The following TTC7A variants were observed in gnomAD, a reference collection of about 807,000 sequenced individuals.
The protein encoded by TTC7A is tetratricopeptide repeat domain 7A.
Under a neutral mutation model 103.7 loss-of-function variants are expected in TTC7A, and 110 were observed. That is an observed-to-expected ratio of 1.06 (90% CI 0.91 to 1.24). The LOEUF is 1.24. Ranked by LOEUF, TTC7A falls within the 50% of genes most tolerant of loss-of-function variation. The probability of loss-of-function intolerance (pLI) is 0.00; values close to 1 mark genes in which losing one functional copy is unlikely to be tolerated. For missense variants in TTC7A, 1,340 were observed against 1,116.3 expected (o/e 1.20, Z -2.86); for synonymous variants, 521 against 467.9 (o/e 1.11, Z -1.47).
At chr2:47,058,214 C>CCT (rs2104766206) in intron 18 of TTC7A, among the ~76,000 whole-genome samples, 1 of 152,288 alleles carries the variant, frequency 6.6e-6, no homozygotes, top group Non-Finnish European at 1.5e-5. Flanking sequence ...GGACTAGAGC[C>CCT]CGCATTTCTC....
At chr2:46,989,407 C>T (rs531038618) in intron 5 of TTC7A, among the ~76,000 whole-genome samples, 65 of 152,344 alleles carry the variant, frequency 4.3e-4, no homozygotes, top group African/African-American at 1.4e-3. Flanking sequence ...AGCAATGGCT[C>T]GGAAAAGCCC....
At chr2:47,065,026 G>A (rs1289986785) in intron 19 of TTC7A, among the ~76,000 whole-genome samples, 2 of 152,208 alleles carry the variant, frequency 1.3e-5, no homozygotes, top group Admixed American at 6.5e-5. Context: ...AGTGGCTCAC[G>A]CCTGTAATCC....
intron 2 of TTC7A, among the ~76,000 whole-genome samples, chr2:46,927,827 A>G (rs1045293512): frequency 6.6e-6 from 1 of 151,852 alleles, no homozygotes; most frequent in African/African-American, 2.4e-5. Context: ...ACATTTTTAG[A>G]AAAAAACTGA....
intron 2 of TTC7A, among the ~76,000 whole-genome samples, chr2:46,955,760 C>A (rs1156703273): frequency 1.3e-5 from 2 of 152,154 alleles, no homozygotes; most frequent in Non-Finnish European, 2.9e-5. Context: ...CACAGGGACC[C>A]CAGACTCTTA....
At chr2:46,919,035 A>C (rs1478366104) in intron 2 of TTC7A, among the ~76,000 whole-genome samples, 1 of 152,190 alleles carries the variant, frequency 6.6e-6, no homozygotes, top group Non-Finnish European at 1.5e-5. Context: ...AGATACCAGA[A>C]TGGCCTCTAG....
At chr2:46,987,594 C>T (rs1371343680) in intron 5 of TTC7A, among the ~76,000 whole-genome samples, 5 of 152,202 alleles carry the variant, frequency 3.3e-5, no homozygotes, top group African/African-American at 1.2e-4. Flanking sequence ...CTATTCTTTG[C>T]TCTGGGTCCA....
At chr2:46,934,592 A>G (rs917925393) in intron 2 of TTC7A, among the ~76,000 whole-genome samples, 4 of 151,966 alleles carry the variant, frequency 2.6e-5, no homozygotes, top group African/African-American at 9.7e-5. Context: ...TTCAATAGAT[A>G]GACTCAAACT....
At chr2:46,991,863 C>T (rs916935326) in intron 5 of TTC7A, among the ~76,000 whole-genome samples, 2 of 152,106 alleles carry the variant, frequency 1.3e-5, no homozygotes, top group East Asian at 1.9e-4. Flanking sequence ...CGAAGGTCAT[C>T]GTAACTCTGA....
At chr2:46,921,834 G>A (rs1044839937) in intron 2 of TTC7A, among the ~76,000 whole-genome samples, 1 of 152,114 alleles carries the variant, frequency 6.6e-6, no homozygotes, top group African/African-American at 2.4e-5. Context: ...AGTAGGGTTC[G>A]CGTTCCTGTG....
chr2:47,072,892 A>C (rs1032110154), intron 19 of TTC7A, among the ~76,000 whole-genome samples: 2 of 152,194 alleles, frequency 1.3e-5, no homozygotes, highest in African/African-American at 2.4e-5. Context: ...AGAGGGGACA[A>C]GGTGCCAGTT....
At chr2:46,925,679 C>T (rs1281658707) in intron 2 of TTC7A, among the ~76,000 whole-genome samples, 7 of 152,252 alleles carry the variant, frequency 4.6e-5, no homozygotes, top group African/African-American at 1.7e-4. Context: ...TTCTCCCCTG[C>T]CACCTCCCCC....
intron 3 of TTC7A, chr2:46,958,416 G>A (rs1672077439): frequency 4.3e-6 from 5 of 1,156,768 alleles, no homozygotes; most frequent in Non-Finnish European, 4.7e-6. Flanking sequence ...CCCCTTCCTC[G>A]GGCTTCCTTT....
chr2:46,958,929 A>G (rs959889111), intron 3 of TTC7A, among the ~76,000 whole-genome samples: 1 of 152,130 alleles, frequency 6.6e-6, no homozygotes, highest in African/African-American at 2.4e-5. Context: ...GAATGCTGAT[A>G]TTTATTCAGC....
chr2:47,057,579 C>T (rs1683422130), intron 18 of TTC7A, among the ~76,000 whole-genome samples: 1 of 152,194 alleles, frequency 6.6e-6, no homozygotes, highest in African/African-American at 2.4e-5. Flanking sequence ...TGTGCCAGGG[C>T]CAAGTAGACC....
chr2:46,980,079 T>C (rs991717575), intron 5 of TTC7A, among the ~76,000 whole-genome samples: 1 of 152,350 alleles, frequency 6.6e-6, no homozygotes, highest in South Asian at 2.1e-4. Context: ...GTGCCATTTT[T>C]AGTGTGATTT....
intron 8 of TTC7A, chr2:46,999,423 A>G (rs931588322): frequency 2.7e-5 from 25 of 927,554 alleles, no homozygotes; most frequent in South Asian, 2.0e-4. Context: ...CCCTGCATCT[A>G]CCTACCCATT....
intron 15 of TTC7A, among the ~76,000 whole-genome samples, chr2:47,035,849 CA>C (rs1325381329): frequency 2.6e-5 from 4 of 152,286 alleles, no homozygotes; most frequent in Non-Finnish European, 5.9e-5. Flanking sequence ...CCTGTGTCCA[CA>C]AAGCAGAGCT....
intron 10 of TTC7A, among the ~76,000 whole-genome samples, chr2:47,011,104 C>G (rs1237841955): frequency 6.6e-6 from 1 of 152,198 alleles, no homozygotes; most frequent in Non-Finnish European, 1.5e-5. Context: ...ATCATGTTAC[C>G]TAAAGAGCAA....
intron 13 of TTC7A, 68 bp from the exon 14 acceptor site, chr2:47,024,219 G>T: frequency 7.1e-7 from 1 of 1,410,586 alleles, no homozygotes. Flanking sequence ...TGGCATGCTG[G>T]AGGCCCGAGT....
Sources: allele counts gnomAD v4.1 joint callset (sites outside exome capture counted in the v4.1 genomes callset), GRCh38; gene constraint gnomAD v4.1.1; transcripts MANE v1.5; gene names NCBI Gene and HGNC (gene_info 2026-07-23, HGNC 2026-07-21).